MECOM: variants seen among roughly 807,000 people sequenced by gnomAD.
The protein encoded by MECOM is histone-lysine N-methyltransferase MECOM.
A neutral mutation model predicts 116.3 loss-of-function variants in MECOM; 13 were observed. The ratio of observed to expected loss-of-function variants is 0.11; its 90% CI spans 0.07 to 0.18. The LOEUF (loss-of-function observed/expected upper bound fraction) is 0.18, where lower values mean the gene tolerates loss of function less well. MECOM is among the 10% of genes least tolerant of loss of function. The pLI is 1.00. For missense variants in MECOM, 1,299 were observed against 1,509.0 expected, an observed-to-expected ratio of 0.86 and a Z score of 2.31; for synonymous variants, 528 against 535.2, an observed-to-expected ratio of 0.99 and a Z score of 0.19.
chr3:169,129,519 G>C (rs919249032), intron 4 of MECOM, among the ~76,000 whole-genome samples: 11 of 151,960 alleles, frequency 7.2e-5, no homozygotes, highest in African/African-American at 2.7e-4. Flanking sequence ...ACCAGTAACA[G>C]TGGTAACAGA....
chr3:169,117,414 G>A (rs1426329029), intron 7 of MECOM, among the ~76,000 whole-genome samples: 1 of 152,110 alleles, frequency 6.6e-6, no homozygotes, highest in East Asian at 1.9e-4. Flanking sequence ...TCTATTTTAA[G>A]CCTGCAAAGG....
At chr3:169,629,885 T>C (rs563664661) in intron 1 of MECOM, among the ~76,000 whole-genome samples, 1 of 152,340 alleles carries the variant, frequency 6.6e-6, no homozygotes, top group African/African-American at 2.4e-5. Flanking sequence ...TGGTGGTCCA[T>C]GCAGCACAGG....
Position 169,473,526 on chromosome 3 carries a change from T to C in MECOM, c.38-92002A>G, listed in dbSNP as rs556354977. ...TGGCTCATGCCTGTAATCCCAGCAC[T>C]ATGGGAGGCTGAGGTGGGTGGATCA... On this transcript the variant is annotated intron_variant, in intron 1 of 16. Coordinates refer to ENST00000651503, the MANE Select transcript of MECOM (RefSeq NM_004991.4). 4.6e-5 allele frequency among the ~76,000 whole-genome samples: 7 copies of C among 152,246 alleles called. No individual in the cohort carries two copies. In the South Asian group the frequency reaches 1.5e-3, roughly 32 times the overall value.
chr3:169,145,175 CACACACACACACACAGAG>C (rs753745658), intron 2 of MECOM: 11,995 of 461,146 alleles, frequency 0.026, 242 homozygotes, highest in Non-Finnish European at 0.032. Context: ...CACACACACA[CACACACACACACACAGAG>C]AGAAATCAAA....
chr3:169,344,427 A>C (rs1207818853), intron 2 of MECOM, among the ~76,000 whole-genome samples: 4 of 152,142 alleles, frequency 2.6e-5, no homozygotes, highest in Non-Finnish European at 5.9e-5. Flanking sequence ...AAAGTGCTCA[A>C]GCGGGACAAA....
In MECOM at chr3:169,115,842, C is replaced by G; in HGVS notation, c.2030G>C (p.Gly677Ala). The stretch of plus-strand genomic sequence containing the variant: ...TTTTTTGTCTTGCAGCCCCACCAGT[C>G]CTGTTGAACCAAAGTATTTTTCAGC... ...SIAEKYFGST[G>A]LVGLQDKKVG... The change falls in exon 8 of 17, where the codon GGA becomes GCA. Residue 677 changes from glycine to alanine, a missense_variant. By Grantham distance (60) the Gly-to-Ala change is moderately conservative. This residue lies in a region of MECOM where 340 missense variants were observed against 312.6 expected (regional missense o/e 1.09). Coordinates refer to ENST00000651503, the MANE Select transcript of MECOM (RefSeq NM_004991.4). 5 of 1,614,042 alleles carry G rather than the reference C, an allele frequency of 3.1e-6. No individual in the cohort carries two copies. Among genetic ancestry groups the G allele is most frequent in the Non-Finnish European group, 4.2e-6 (5 of 1,180,018 alleles).
At chr3:169,260,038 G>A (rs552780405) in intron 2 of MECOM, among the ~76,000 whole-genome samples, 16 of 152,304 alleles carry the variant, frequency 1.1e-4, no homozygotes, top group African/African-American at 2.6e-4. Context: ...ACAGAGCAAC[G>A]ATTTAAATGT....
intron 1 of MECOM, among the ~76,000 whole-genome samples, chr3:169,504,150 AGT>A (rs3044764): frequency 0.035 from 4,619 of 132,590 alleles, 155 homozygotes; most frequent in African/African-American, 0.096. Flanking sequence ...GAAAAAGAGA[AGT>A]GTGTGTGTGT....
intron 1 of MECOM, among the ~76,000 whole-genome samples, chr3:169,382,574 A>T (rs767454117): frequency 2.5e-4 from 38 of 152,190 alleles, no homozygotes; most frequent in Non-Finnish European, 2.2e-4. Context: ...GTCTGCTAGG[A>T]TCACAAATTG....
intron 1 of MECOM, among the ~76,000 whole-genome samples, chr3:169,660,428 C>T (rs1247791278): frequency 6.6e-6 from 1 of 152,020 alleles, no homozygotes; most frequent in Non-Finnish European, 1.5e-5. Context: ...CATTCAATCT[C>T]GGTGTAGATT....
chr3:169,162,008 G>A (rs1361257192), intron 2 of MECOM, among the ~76,000 whole-genome samples: 1 of 152,186 alleles, frequency 6.6e-6, no homozygotes, highest in Admixed American at 6.5e-5. Context: ...AGCCACCCCT[G>A]AATTCCTAAA....
At chr3:169,525,074 A>G (rs1295126304) in intron 1 of MECOM, among the ~76,000 whole-genome samples, 1 of 152,218 alleles carries the variant, frequency 6.6e-6, no homozygotes, top group Non-Finnish European at 1.5e-5. Context: ...ATACTAAGCT[A>G]TATTTACCAT....
chr3:169,331,783 T>G (rs1287924456), intron 2 of MECOM, among the ~76,000 whole-genome samples: 1 of 152,174 alleles, frequency 6.6e-6, no homozygotes, highest in Admixed American at 6.6e-5. Context: ...CATTTGATTT[T>G]AGTGGAGCTT....
At chr3:169,538,494 T>C (rs530872722) in intron 1 of MECOM, among the ~76,000 whole-genome samples, 21 of 152,192 alleles carry the variant, frequency 1.4e-4, no homozygotes, top group Admixed American at 1.4e-3. Flanking sequence ...TTCCCTATCC[T>C]CAGTTTGCAA....
intron 2 of MECOM, among the ~76,000 whole-genome samples, chr3:169,319,272 C>T (rs939679051): frequency 2.6e-5 from 4 of 152,018 alleles, no homozygotes; most frequent in Non-Finnish European, 2.9e-5. Context: ...ATGTCCTTTG[C>T]GGGGACATGG....
intron 2 of MECOM, among the ~76,000 whole-genome samples, chr3:169,226,510 A>G (rs1459339933): frequency 6.6e-6 from 1 of 152,222 alleles, no homozygotes; most frequent in Non-Finnish European, 1.5e-5. Flanking sequence ...TGGAGATGAT[A>G]TTTATCAAAT....
intron 1 of MECOM, among the ~76,000 whole-genome samples, chr3:169,534,441 G>A (rs899873561): frequency 6.6e-6 from 1 of 152,094 alleles, no homozygotes; most frequent in African/African-American, 2.4e-5. Flanking sequence ...TAGTATCCCA[G>A]TGTAATCAGT....
chr3:169,502,088 A>T (rs1296210036), intron 1 of MECOM, among the ~76,000 whole-genome samples: 1 of 152,114 alleles, frequency 6.6e-6, no homozygotes, highest in Non-Finnish European at 1.5e-5. Context: ...CATTGTAGTT[A>T]TTGTTTTCTC....
intron 2 of MECOM, among the ~76,000 whole-genome samples, chr3:169,171,741 A>G (rs1312712545): frequency 1.3e-5 from 2 of 152,170 alleles, no homozygotes; most frequent in Non-Finnish European, 2.9e-5. Flanking sequence ...CAACTATTGT[A>G]AAATGGGAAA....
Sources: gnomAD v4.1 joint callset for allele counts (sites outside exome capture counted in the v4.1 genomes callset) on GRCh38, gnomAD v4.1.1 for gene constraint, gnomAD v4.1.1 regional missense constraint, MANE v1.5 for transcripts, NCBI Gene and HGNC (gene_info 2026-07-23, HGNC 2026-07-21) for gene names.